ETV6: variants seen among roughly 807,000 people sequenced by gnomAD.
The protein encoded by ETV6 is transcription factor ETV6.
A neutral mutation model predicts 51.1 loss-of-function variants in ETV6; 16 were observed. The observed-to-expected ratio is 0.31, with a 90% confidence interval of 0.21 to 0.48. ETV6 has a LOEUF of 0.48. Among genes scored for constraint, ETV6 ranks in the 20% least tolerant of loss-of-function variants. The probability of loss-of-function intolerance (pLI) is 0.99; values close to 1 mark genes in which losing one functional copy is unlikely to be tolerated. For missense variants in ETV6, 458 were observed against 594.8 expected (o/e 0.77, Z 2.39); for synonymous variants, 240 against 224.1 (o/e 1.07, Z -0.64).
chr12:11,819,164 G>A (rs1946038979), intron 2 of ETV6, among the ~76,000 whole-genome samples: 1 of 152,074 alleles, frequency 6.6e-6, no homozygotes, highest in South Asian at 2.1e-4. Flanking sequence ...TTCTCCACAT[G>A]GTGTCCTCCT....
chr12:11,828,519 C>G (rs936982623), intron 2 of ETV6, among the ~76,000 whole-genome samples: 5 of 152,084 alleles, frequency 3.3e-5, no homozygotes, highest in East Asian at 1.9e-4. Flanking sequence ...TTCGCATTAC[C>G]TCACAGGTAC....
chr12:11,784,367 G>A (rs1476290762), intron 2 of ETV6, among the ~76,000 whole-genome samples: 1 of 151,778 alleles, frequency 6.6e-6, no homozygotes, highest in Non-Finnish European at 1.5e-5. Flanking sequence ...GCTGAGGTGG[G>A]AAGATTGCTT....
In ETV6 at chr12:11,869,290, AC is replaced by A. The variant is rs1946839498; in HGVS notation, c.464-133del. On this transcript the variant is annotated intron_variant, in intron 4 of 7. Transcript: ENST00000396373. The surrounding 1 kb of genome is among the most constrained non-coding windows in gnomAD (Gnocchi z 5.0). The stretch of plus-strand genomic sequence containing the variant: ...TTCAAATTGTTAAGCAGTGAAAAAG[AC>A]ACTGCATTCTGGGGAGAAAGGTCCT... 1.3e-6 allele frequency: 1 copy of A among 748,818 alleles called. No individual in the cohort carries two copies. Among genetic ancestry groups the A allele is most frequent in the Admixed American group, 2.7e-5 (1 of 37,320 alleles). 46.4% of individuals were successfully genotyped at this position (748,818 alleles called of 1,614,324 possible).
chr12:11,775,439 T>C (rs1945307492), intron 2 of ETV6, among the ~76,000 whole-genome samples: 1 of 152,244 alleles, frequency 6.6e-6, no homozygotes, highest in Non-Finnish European at 1.5e-5. Context: ...CAGACACTGC[T>C]GTCTTTATTA....
chr12:11,790,967 C>T (rs2136386053), intron 2 of ETV6, among the ~76,000 whole-genome samples: 1 of 152,244 alleles, frequency 6.6e-6, no homozygotes, highest in South Asian at 2.1e-4. Flanking sequence ...AGCTGTGAGC[C>T]ATTGCGCCCG....
intron 1 of ETV6, among the ~76,000 whole-genome samples, chr12:11,673,834 A>G (rs776072480): frequency 1.3e-5 from 2 of 152,200 alleles, no homozygotes; most frequent in Non-Finnish European, 2.9e-5. Flanking sequence ...GAGTTAGTCA[A>G]ACTGTGTGCG....
intron 2 of ETV6, among the ~76,000 whole-genome samples, chr12:11,838,892 C>A (rs1946351359): frequency 6.6e-6 from 1 of 152,234 alleles, no homozygotes; most frequent in Non-Finnish European, 1.5e-5. Flanking sequence ...TGACAGCACA[C>A]CCCAGAGTAG....
chr12:11,801,698 G>C (rs1422433545), intron 2 of ETV6, among the ~76,000 whole-genome samples: 1 of 147,854 alleles, frequency 6.8e-6, no homozygotes, highest in Non-Finnish European at 1.5e-5. Flanking sequence ...TTGGTGTACA[G>C]ATGAGGAATC....
chr12:11,707,649 T>C (rs1865097556), intron 1 of ETV6, among the ~76,000 whole-genome samples: 1 of 152,358 alleles, frequency 6.6e-6, no homozygotes, highest in Non-Finnish European at 1.5e-5. Flanking sequence ...TCTAACCTCC[T>C]GCATGTAGAT....
At chr12:11,814,359 ATT>A (rs201076244) in intron 2 of ETV6, among the ~76,000 whole-genome samples, 2 of 151,178 alleles carry the variant, frequency 1.3e-5, no homozygotes, top group Non-Finnish European at 3.0e-5. Context: ...GTAAAAAAAA[ATT>A]TTTTTTTTCA....
chr12:11,747,074 A>G (rs1457200501), intron 1 of ETV6, among the ~76,000 whole-genome samples: 1 of 152,132 alleles, frequency 6.6e-6, no homozygotes, highest in East Asian at 1.9e-4. Flanking sequence ...CCACAGCAAC[A>G]TTGAGTTTGG....
intron 4 of ETV6, among the ~76,000 whole-genome samples, chr12:11,859,119 GTTTTTTTTTTTTTTTTTTTTTT>G (rs71057773): frequency 1.5e-5 from 1 of 66,096 alleles, no homozygotes; most frequent in African/African-American, 6.2e-5. Flanking sequence ...TATGAATCTG[GTTTTTTTTTTTTTTTTTTTTTT>G]TTTTTTTTTT....
At chr12:11,732,612 G>C (rs892199712) in intron 1 of ETV6, among the ~76,000 whole-genome samples, 7 of 152,044 alleles carry the variant, frequency 4.6e-5, no homozygotes, top group African/African-American at 1.7e-4. Flanking sequence ...GCACTGTGTC[G>C]TTTGAATGTG....
At chr12:11,747,360 C>T (rs1865927246) in intron 1 of ETV6, among the ~76,000 whole-genome samples, 1 of 152,046 alleles carries the variant, frequency 6.6e-6, no homozygotes, top group Non-Finnish European at 1.5e-5. Flanking sequence ...CAGCTTGGGC[C>T]CCTATACCAT....
At chr12:11,775,163 T>C (rs2723829) in intron 2 of ETV6, among the ~76,000 whole-genome samples, 73,292 of 152,040 alleles carry the variant, frequency 0.48, 20,654 homozygotes, top group Admixed American at 0.67. Context: ...CTGTTAATAA[T>C]TGGGAGTAAA....
intron 4 of ETV6, among the ~76,000 whole-genome samples, chr12:11,863,921 A>C (rs1206912704): frequency 1.3e-5 from 2 of 152,184 alleles, no homozygotes; most frequent in African/African-American, 2.4e-5. Flanking sequence ...TGCCCAGACC[A>C]CCAGGAGCCT....
intron 6 of ETV6, 45 bp downstream of exon 6, chr12:11,884,632 G>A: frequency 1.2e-6 from 2 of 1,609,666 alleles, no homozygotes; most frequent in Non-Finnish European, 1.7e-6. Context: ...GTGCCAAAAT[G>A]AAGTCCTTAT....
chr12:11,739,328 T>C (rs1050629691), intron 1 of ETV6, among the ~76,000 whole-genome samples: 1 of 152,178 alleles, frequency 6.6e-6, no homozygotes, highest in Middle Eastern at 3.2e-3. Flanking sequence ...TCTGAAAGGA[T>C]GGGGAATAGT....
At chr12:11,854,444 A>G (rs1217212046) in intron 4 of ETV6, among the ~76,000 whole-genome samples, 2 of 152,210 alleles carry the variant, frequency 1.3e-5, no homozygotes, top group African/African-American at 4.8e-5. Context: ...ATAAGCAAGG[A>G]TGAAGTGAAG....
Sources: gnomAD v4.1 joint callset for allele counts (sites outside exome capture counted in the v4.1 genomes callset) on GRCh38, gnomAD v4.1.1 for gene constraint, Gnocchi (gnomAD v3.1) non-coding constraint, MANE v1.5 for transcripts, NCBI Gene and HGNC (gene_info 2026-07-23, HGNC 2026-07-21) for gene names.